DMD: variants seen among roughly 807,000 people sequenced by gnomAD.
DMD encodes the protein dystrophin.
A neutral mutation model predicts 330.1 loss-of-function variants in DMD; 63 were observed. That is an observed-to-expected ratio of 0.19 (90% CI 0.16 to 0.24). The LOEUF (loss-of-function observed/expected upper bound fraction) is 0.24, where lower values mean the gene tolerates loss of function less well. Ranked by LOEUF, DMD falls within the 10% of genes least tolerant of loss-of-function variation. The pLI, the probability that DMD is intolerant of heterozygous loss-of-function variation, is 1.00. For missense variants in DMD, 3,344 were observed against 2,684.1 expected (o/e 1.25, Z -5.43); for synonymous variants, 1,223 against 959.8 (o/e 1.27, Z -5.07).
chrX:31,713,903 G>C (rs1384665687), intron 52 of DMD, among the ~76,000 whole-genome samples: 1 of 111,419 alleles, frequency 9.0e-6, no homozygotes, highest in Non-Finnish European at 1.9e-5. Flanking sequence ...AAATACTAAT[G>C]CAAATTATTA....
rs1569273781 is a variant in DMD at position 31,119,818 on chromosome X, G to GTAA, written c.*2098_*2100dup. 1 of 111,405 alleles carries GTAA rather than the reference G, an allele frequency of 9.0e-6. No homozygotes were observed. Among genetic ancestry groups the GTAA allele is most frequent in the Non-Finnish European group, 1.9e-5 (1 of 53,013 alleles). 9.2% of individuals were successfully genotyped at this position (111,405 alleles called of 1,213,427 possible). A position where few individuals can be genotyped will look rare whatever the true frequency, so the allele number is the denominator to read the frequency against. On this transcript the variant is annotated 3_prime_UTR_variant, in exon 79 of 79. Coordinates refer to ENST00000357033, the MANE Select transcript of DMD (RefSeq NM_004006.3). ...TGCAAGACAAAAACCAAATCTTCAT[G>GTAA]TAATTTGGTAATTTGTTACCTTAGA... is the stretch of plus-strand genomic sequence containing the variant.
At chrX:31,388,301 C>A in intron 60 of DMD, among the ~76,000 whole-genome samples, 1 of 110,870 alleles carries the variant, frequency 9.0e-6, no homozygotes. Context: ...CCACGCCCGG[C>A]CTATCATCTG....
intron 1 of DMD, among the ~76,000 whole-genome samples, chrX:33,107,572 C>A (rs1215163684): frequency 9.0e-6 from 1 of 110,696 alleles, no homozygotes; most frequent in African/African-American, 3.3e-5. Flanking sequence ...AGTATAATTT[C>A]CATGGTAATG....
chrX:31,774,264 C>T (rs2090523574), intron 50 of DMD, 72 bp from the exon 51 acceptor site: 1 of 731,569 alleles, frequency 1.4e-6, no homozygotes, highest in Admixed American at 2.8e-5. Flanking sequence ...AGCTAAAGAG[C>T]CAATTTCAAT....
chrX:32,656,567 A>G (rs1333798400), intron 9 of DMD, among the ~76,000 whole-genome samples: 1 of 112,216 alleles, frequency 8.9e-6, no homozygotes, highest in Non-Finnish European at 1.9e-5. Flanking sequence ...AAAAGCTTAT[A>G]TGTGAGTTTA....
intron 44 of DMD, among the ~76,000 whole-genome samples, chrX:32,215,858 G>T (rs2097110453): frequency 1.8e-5 from 2 of 111,806 alleles, no homozygotes; most frequent in Non-Finnish European, 3.8e-5. Flanking sequence ...ATGCAAGTTT[G>T]ATTGATACAC....
chrX:31,970,663 C>T (rs2095391177), intron 44 of DMD, among the ~76,000 whole-genome samples: 1 of 110,648 alleles, frequency 9.0e-6, no homozygotes, highest in African/African-American at 3.3e-5. Flanking sequence ...ATGATGTGAC[C>T]AAGAGCATAA....
chrX:32,782,275 T>C (rs188916319), intron 7 of DMD, among the ~76,000 whole-genome samples: 1 of 111,864 alleles, frequency 8.9e-6, no homozygotes, highest in East Asian at 2.8e-4. Flanking sequence ...GTGTATAGTA[T>C]GTGATAACAT....
At chrX:31,854,771 G>T (rs1486168884) in intron 48 of DMD, among the ~76,000 whole-genome samples, 2 of 111,528 alleles carry the variant, frequency 1.8e-5, no homozygotes, top group Admixed American at 1.9e-4. Flanking sequence ...GATGTAATGT[G>T]AGTTTCAATC....
chrX:32,775,479 G>A (rs1164874495), intron 7 of DMD, among the ~76,000 whole-genome samples: 1 of 113,184 alleles, frequency 8.8e-6, no homozygotes, highest in Admixed American at 9.3e-5. Context: ...TCTAGGCAGA[G>A]GTTCCCAAAC....
chrX:32,437,144 T>C (rs1469259482), intron 29 of DMD, among the ~76,000 whole-genome samples: 1 of 111,976 alleles, frequency 8.9e-6, no homozygotes, highest in Non-Finnish European at 1.9e-5. Flanking sequence ...GCAATATCTA[T>C]TTGACTCAGA....
chrX:32,682,978 A>T (rs2062547058), intron 9 of DMD, among the ~76,000 whole-genome samples: 1 of 111,670 alleles, frequency 9.0e-6, no homozygotes, highest in Non-Finnish European at 1.9e-5. Context: ...TCCCTTGCTG[A>T]TTCACAGTGC....
At chrX:32,417,741 G>A (rs1275462498) in intron 29 of DMD, among the ~76,000 whole-genome samples, 1 of 109,863 alleles carries the variant, frequency 9.1e-6, no homozygotes, top group African/African-American at 3.3e-5. Flanking sequence ...CTTAAAGATG[G>A]GGAAAACAAA....
intron 44 of DMD, among the ~76,000 whole-genome samples, chrX:32,044,473 G>C (rs1226782467): frequency 9.1e-6 from 1 of 109,506 alleles, no homozygotes; most frequent in East Asian, 2.9e-4. Flanking sequence ...CCAGGTTGGA[G>C]TGCAGTGGCA....
chrX:31,201,761 G>C (rs2043498620), intron 67 of DMD, among the ~76,000 whole-genome samples: 1 of 111,991 alleles, frequency 8.9e-6, no homozygotes, highest in Admixed American at 9.4e-5. Flanking sequence ...AGCTGGCCCT[G>C]AATACAGCCT....
intron 62 of DMD, among the ~76,000 whole-genome samples, chrX:31,266,159 C>CAAAAAAAAAAAAA (rs1174153877): frequency 0.023 from 306 of 13,317 alleles, 41 homozygotes; most frequent in Non-Finnish European, 0.029. Context: ...TCCCGAAGGG[C>CAAAAAAAAAAAAA]AAAAAAAAAA....
intron 61 of DMD, among the ~76,000 whole-genome samples, chrX:31,338,309 C>CAAA (rs752828727): frequency 5.6e-5 from 3 of 53,360 alleles, no homozygotes; most frequent in Non-Finnish European, 6.6e-5. Context: ...AGTAAAAATA[C>CAAA]AAAAAAAAAA....
chrX:33,084,082 A>G (rs993061051), intron 1 of DMD, among the ~76,000 whole-genome samples: 2 of 112,318 alleles, frequency 1.8e-5, no homozygotes, highest in Middle Eastern at 4.6e-3. Context: ...TCTCCCCATG[A>G]CTATTTTTCC....
At chrX:32,866,112 C>A (rs1180386125) in intron 2 of DMD, among the ~76,000 whole-genome samples, 1 of 112,133 alleles carries the variant, frequency 8.9e-6, no homozygotes, top group African/African-American at 3.2e-5. Context: ...CAGAGCTAGA[C>A]AGCAGGAGGA....
Sources: gnomAD v4.1 joint callset for allele counts (sites outside exome capture counted in the v4.1 genomes callset) on GRCh38, gnomAD v4.1.1 for gene constraint, MANE v1.5 for transcripts, NCBI Gene and HGNC (gene_info 2026-07-23, HGNC 2026-07-21) for gene names.